Variants in UNC13C observed in about 807,000 individuals in gnomAD.
UNC13C encodes unc-13 homolog C.
In UNC13C, 174 loss-of-function variants were observed where a neutral mutation model predicts 245.4. The ratio of observed to expected loss-of-function variants is 0.71; its 90% CI spans 0.63 to 0.80. The LOEUF is 0.80. UNC13C is among the 30% of genes least tolerant of loss of function. The probability of loss-of-function intolerance (pLI) is 0.00; values close to 1 mark genes in which losing one functional copy is unlikely to be tolerated. For synonymous variants in UNC13C, 992 were observed against 895.1 expected (o/e 1.11, Z -1.93); for missense variants, 2,829 against 2,602.9 (o/e 1.09, Z -1.89).
intron 18 of UNC13C, among the ~76,000 whole-genome samples, chr15:54,393,779 A>G (rs891633574): frequency 2.0e-5 from 3 of 151,844 alleles, no homozygotes; most frequent in African/African-American, 7.2e-5. Flanking sequence ...ACCTTAGGCA[A>G]ATTATCTAAT....
intron 2 of UNC13C, among the ~76,000 whole-genome samples, chr15:54,042,793 C>G (rs535746235): frequency 9.9e-5 from 15 of 152,148 alleles, no homozygotes; most frequent in Admixed American, 9.8e-4. Context: ...GTGGAACTTG[C>G]AGTGAGCCGA....
At chr15:54,100,464 A>G (rs1900105722) in intron 2 of UNC13C, among the ~76,000 whole-genome samples, 1 of 152,080 alleles carries the variant, frequency 6.6e-6, no homozygotes, top group South Asian at 2.1e-4. Context: ...CTGCATACAA[A>G]TTCTAAATTT....
At chr15:53,883,956 G>A in the UNC13C span, among the ~76,000 whole-genome samples, 1 of 152,166 alleles carries the variant, frequency 6.6e-6, no homozygotes, top group Admixed American at 6.5e-5. Flanking sequence ...CCTACAGAAA[G>A]TCTGAGGGTA....
At chr15:54,621,518 T>A (rs1426419848) in intron 30 of UNC13C, among the ~76,000 whole-genome samples, 1 of 152,192 alleles carries the variant, frequency 6.6e-6, no homozygotes, top group Non-Finnish European at 1.5e-5. Context: ...TGAACTGGAA[T>A]GACCTCCATG....
chr15:53,877,847 C>G, the UNC13C span, among the ~76,000 whole-genome samples: 2 of 152,146 alleles, frequency 1.3e-5, no homozygotes, highest in Non-Finnish European at 2.9e-5. Flanking sequence ...CAATTCTACC[C>G]TCCTGACCTC....
the UNC13C span, among the ~76,000 whole-genome samples, chr15:53,863,618 T>C: frequency 6.6e-6 from 1 of 152,178 alleles, no homozygotes; most frequent in African/African-American, 2.4e-5. Flanking sequence ...AATAGACTAG[T>C]ATGTAGCCAA....
chr15:53,845,460 C>T, the UNC13C span, among the ~76,000 whole-genome samples: 2 of 152,150 alleles, frequency 1.3e-5, no homozygotes, highest in Non-Finnish European at 2.9e-5. Context: ...GAAGACAACA[C>T]AGCCCTCCTA....
chr15:54,395,077 A>C (rs2040042821), intron 18 of UNC13C, among the ~76,000 whole-genome samples: 1 of 151,804 alleles, frequency 6.6e-6, no homozygotes, highest in South Asian at 2.1e-4. Flanking sequence ...GAAAAAACCA[A>C]ATGCCTTCCT....
intron 18 of UNC13C, among the ~76,000 whole-genome samples, chr15:54,400,551 G>GTTTTAAGA (rs2040160296): frequency 2.0e-5 from 3 of 152,132 alleles, no homozygotes; most frequent in Non-Finnish European, 4.4e-5. Context: ...CTTCATAAGT[G>GTTTTAAGA]ACTGTGTGTA....
At chr15:54,090,748 T>A (rs1005356481) in intron 2 of UNC13C, among the ~76,000 whole-genome samples, 4 of 152,192 alleles carry the variant, frequency 2.6e-5, no homozygotes, top group Non-Finnish European at 5.9e-5. Context: ...ATTTAATGGC[T>A]CTTTCTGGAG....
chr15:54,443,046 G>A (rs1444222284), intron 19 of UNC13C, among the ~76,000 whole-genome samples: 1 of 151,976 alleles, frequency 6.6e-6, no homozygotes, highest in Admixed American at 6.6e-5. Flanking sequence ...ATCTGGTTAT[G>A]GGCTTTTCTT....
At chr15:54,121,093 G>C (rs2030634612) in intron 2 of UNC13C, among the ~76,000 whole-genome samples, 2 of 152,160 alleles carry the variant, frequency 1.3e-5, no homozygotes, top group African/African-American at 4.8e-5. Context: ...AATTTTGAAA[G>C]AATTCCTGCT....
the UNC13C span, among the ~76,000 whole-genome samples, chr15:53,930,586 G>A: frequency 6.6e-6 from 1 of 152,042 alleles, no homozygotes; most frequent in South Asian, 2.1e-4. Context: ...CACAAACACT[G>A]GTACTTATAA....
At chr15:54,615,252 C>A (rs3848141) in intron 30 of UNC13C, among the ~76,000 whole-genome samples, 89,585 of 151,826 alleles carry the variant, frequency 0.59, 27,130 homozygotes, top group Middle Eastern at 0.69. Flanking sequence ...ATGTACCATT[C>A]AGTTGTTATT....
At chr15:54,050,597 C>G (rs1017380786) in intron 2 of UNC13C, 4 of 426,846 alleles carry the variant, frequency 9.4e-6, no homozygotes, top group African/African-American at 8.3e-5. Context: ...CTCTTTCTAA[C>G]TTGGAAATCA....
chr15:54,216,647 A>G (rs2035048822), intron 4 of UNC13C, among the ~76,000 whole-genome samples: 1 of 151,906 alleles, frequency 6.6e-6, no homozygotes, highest in Non-Finnish European at 1.5e-5. Flanking sequence ...ATAAAGGAAA[A>G]CATTTAAAAA....
the UNC13C span, among the ~76,000 whole-genome samples, chr15:53,965,936 T>C: frequency 6.6e-6 from 1 of 152,196 alleles, no homozygotes; most frequent in African/African-American, 2.4e-5. Flanking sequence ...ATGGTGTATA[T>C]GTGCCACATT....
At chr15:54,493,236 A>T (rs1893802325) in intron 19 of UNC13C, among the ~76,000 whole-genome samples, 1 of 152,198 alleles carries the variant, frequency 6.6e-6, no homozygotes, top group Admixed American at 6.5e-5. Flanking sequence ...GAATGGTGAA[A>T]ACAGTGAAAT....
rs1399499813 is a variant in UNC13C at position 54,013,665 on chromosome 15, T to C, written c.762T>C (p.Ser254=). 1 of 1,613,732 alleles carries C rather than the reference T, an allele frequency of 6.2e-7. No homozygotes were observed. Among genetic ancestry groups the C allele is most frequent in the East Asian group, 2.2e-5 (1 of 44,868 alleles). ...TCTTTAAGGAACTTCAGGGAATAAGTCAGATTGAAACAGAACTTTCTGAAC... is the reference window on the plus strand; with the variant it reads ...TCTTTAAGGAACTTCAGGGAATAAGCCAGATTGAAACAGAACTTTCTGAAC... ...EMIFKELQGI[S]QIETELSELR... Residue 254 remains serine (S), a synonymous_variant, in exon 2 of 33, where the codon AGT becomes AGC. Transcript: ENST00000260323.
Sources: gnomAD v4.1 joint callset for allele counts (sites outside exome capture counted in the v4.1 genomes callset) on GRCh38, gnomAD v4.1.1 for gene constraint, MANE v1.5 for transcripts, NCBI Gene and HGNC (gene_info 2026-07-23, HGNC 2026-07-21) for gene names.